NELL1: variants seen among roughly 807,000 people sequenced by gnomAD.
NELL1 encodes protein kinase C-binding protein NELL1.
In NELL1, 76 loss-of-function variants were observed where a neutral mutation model predicts 107.4. The observed-to-expected ratio is 0.71, with a 90% CI of 0.59 to 0.86. The LOEUF (loss-of-function observed/expected upper bound fraction) is 0.86. Among genes scored for constraint, NELL1 ranks in the 40% least tolerant of loss-of-function variants. The pLI, the probability that NELL1 is intolerant of heterozygous loss-of-function variation, is 0.00. For synonymous variants in NELL1, 353 were observed against 341.2 expected, an observed-to-expected ratio of 1.03 and a Z score of -0.38; for missense variants, 1,024 against 1,005.5, an observed-to-expected ratio of 1.02 and a Z score of -0.25.
At chr11:21,188,974 T>G (rs1222522909) in intron 13 of NELL1, among the ~76,000 whole-genome samples, 1 of 151,910 alleles carries the variant, frequency 6.6e-6, no homozygotes, top group Non-Finnish European at 1.5e-5. Flanking sequence ...ACTTATCATT[T>G]TCACGCATGT....
At chr11:21,135,664 T>C (rs1855729585) in intron 13 of NELL1, among the ~76,000 whole-genome samples, 1 of 152,190 alleles carries the variant, frequency 6.6e-6, no homozygotes, top group African/African-American at 2.4e-5. Context: ...CTAAGAAATA[T>C]AAAATGCTTA....
intron 5 of NELL1, among the ~76,000 whole-genome samples, chr11:20,887,620 C>T (rs1168428663): frequency 2.0e-5 from 3 of 152,140 alleles, no homozygotes; most frequent in Non-Finnish European, 4.4e-5. Context: ...CAGAAACTAT[C>T]CTGTCTGCAT....
intron 2 of NELL1, among the ~76,000 whole-genome samples, chr11:20,766,865 C>G (rs1246873476): frequency 6.6e-6 from 1 of 152,026 alleles, no homozygotes; most frequent in Non-Finnish European, 1.5e-5. Flanking sequence ...GCCTCAGCCT[C>G]CCAAGTAGCT....
intron 3 of NELL1, among the ~76,000 whole-genome samples, chr11:20,814,279 C>T (rs1175783461): frequency 1.3e-5 from 2 of 152,234 alleles, no homozygotes; most frequent in African/African-American, 2.4e-5. Flanking sequence ...CAGGCGTGAG[C>T]CACCACACCC....
At chr11:21,407,924 C>T (rs4471417) in intron 15 of NELL1, among the ~76,000 whole-genome samples, 1 of 151,736 alleles carries the variant, frequency 6.6e-6, no homozygotes, top group African/African-American at 2.4e-5. Flanking sequence ...TAAAGTATTT[C>T]CTGATTCTTC....
At chr11:21,362,558 T>G (rs116977810) in intron 14 of NELL1, among the ~76,000 whole-genome samples, 1 of 152,252 alleles carries the variant, frequency 6.6e-6, no homozygotes, top group East Asian at 1.9e-4. Context: ...AGGTGTCGTC[T>G]TCTTCTTTCT....
intron 12 of NELL1, among the ~76,000 whole-genome samples, chr11:21,064,254 C>A (rs1590600726): frequency 1.3e-5 from 2 of 152,194 alleles, no homozygotes; most frequent in Middle Eastern, 6.8e-3. Context: ...TGAACTCTTC[C>A]ATTTGGAGAA....
At chr11:20,809,543 A>G (rs1490084668) in intron 3 of NELL1, among the ~76,000 whole-genome samples, 1 of 151,878 alleles carries the variant, frequency 6.6e-6, no homozygotes, top group Non-Finnish European at 1.5e-5. Flanking sequence ...TCCTTTTCCC[A>G]TAATCTGGTA....
chr11:21,281,820 T>G (rs1849001978), intron 14 of NELL1, among the ~76,000 whole-genome samples: 1 of 152,234 alleles, frequency 6.6e-6, no homozygotes, highest in Non-Finnish European at 1.5e-5. Context: ...AGGAGATGCC[T>G]ATCTCTCGTC....
At chr11:20,873,937 T>C (rs28615529) in intron 4 of NELL1, among the ~76,000 whole-genome samples, 1 of 152,086 alleles carries the variant, frequency 6.6e-6, no homozygotes, top group South Asian at 2.1e-4. Context: ...CTAACTTTTT[T>C]ATTTTTTGTA....
At chr11:21,021,875 C>T (rs1375805574) in intron 12 of NELL1, among the ~76,000 whole-genome samples, 3 of 152,086 alleles carry the variant, frequency 2.0e-5, no homozygotes, top group Non-Finnish European at 4.4e-5. Flanking sequence ...TCTACCATGT[C>T]TTCTACTCTG....
intron 3 of NELL1, among the ~76,000 whole-genome samples, chr11:20,800,098 C>G (rs748490846): frequency 3.9e-5 from 6 of 152,236 alleles, no homozygotes; most frequent in Middle Eastern, 3.4e-3. Context: ...TTTCTTTATC[C>G]AATCCACCAT....
chr11:21,023,999 A>C (rs1267018385), intron 12 of NELL1, among the ~76,000 whole-genome samples: 4 of 152,126 alleles, frequency 2.6e-5, no homozygotes, highest in Non-Finnish European at 5.9e-5. Context: ...AAATCCTTCC[A>C]AAATCCTTCC....
chr11:21,397,536 A>G (rs1396226856), intron 15 of NELL1, among the ~76,000 whole-genome samples: 1 of 151,586 alleles, frequency 6.6e-6, no homozygotes, highest in Non-Finnish European at 1.5e-5. Flanking sequence ...AAAAATACAT[A>G]TTGTATTATT....
chr11:21,450,702 G>A (rs1373386829), intron 15 of NELL1, among the ~76,000 whole-genome samples: 1 of 152,028 alleles, frequency 6.6e-6, no homozygotes, highest in East Asian at 1.9e-4. Context: ...AGCCGAATCT[G>A]GACAGACAGG....
chr11:21,184,878 TATA>T (rs1003047393), intron 13 of NELL1, among the ~76,000 whole-genome samples: 2 of 151,838 alleles, frequency 1.3e-5, no homozygotes, highest in African/African-American at 4.9e-5. Flanking sequence ...TCCTTCTAAA[TATA>T]ATATTAAAAA....
At chr11:20,889,460 A>G (rs938284106) in intron 5 of NELL1, among the ~76,000 whole-genome samples, 3 of 152,218 alleles carry the variant, frequency 2.0e-5, no homozygotes, top group Non-Finnish European at 4.4e-5. Context: ...GTTTATAACC[A>G]ATAGATCTTC....
chr11:21,169,718 G>A, intron 13 of NELL1: 1 of 730,938 alleles, frequency 1.4e-6, no homozygotes, highest in Admixed American at 3.0e-5. Flanking sequence ...GTCATCTTTT[G>A]GCACAGAAGT....
At chr11:21,077,165 G>T (rs1019307534) in intron 12 of NELL1, among the ~76,000 whole-genome samples, 2 of 152,010 alleles carry the variant, frequency 1.3e-5, no homozygotes, top group Admixed American at 1.3e-4. Flanking sequence ...CTTTAAAGAT[G>T]CATAAAAAGG....
Sources: allele counts gnomAD v4.1 joint callset (sites outside exome capture counted in the v4.1 genomes callset), GRCh38; gene constraint gnomAD v4.1.1; transcripts MANE v1.5; gene names NCBI Gene and HGNC (gene_info 2026-07-23, HGNC 2026-07-21).